Variants in THSD7B observed in about 807,000 individuals in gnomAD.
THSD7B encodes thrombospondin type-1 domain-containing protein 7B.
In THSD7B, 138 loss-of-function variants were observed where a neutral mutation model predicts 213.6. The observed-to-expected ratio is 0.65, with a 90% confidence interval of 0.56 to 0.74. THSD7B has a LOEUF of 0.74. THSD7B is among the 30% of genes least tolerant of loss of function. The pLI is 0.00. For missense variants in THSD7B, 1,931 were observed against 1,991.5 expected (o/e 0.97, Z 0.58); for synonymous variants, 742 against 687.0 (o/e 1.08, Z -1.25).
At chr2:137,245,643 T>G (rs1366879146) in intron 10 of THSD7B, among the ~76,000 whole-genome samples, 1 of 152,168 alleles carries the variant, frequency 6.6e-6, no homozygotes, top group African/African-American at 2.4e-5. Flanking sequence ...TTTAAGTCCA[T>G]GAATATAAGG....
chr2:137,348,703 CTTTTTTTTTT>C (rs80150345), intron 12 of THSD7B, among the ~76,000 whole-genome samples: 1 of 110,934 alleles, frequency 9.0e-6, no homozygotes, highest in East Asian at 2.5e-4. Context: ...CTATGAACTC[CTTTTTTTTTT>C]TTTTTTTTTT....
In THSD7B at chr2:137,312,967, A is replaced by C. The variant is rs200922920; in HGVS notation, c.2500+36941A>C. Among the ~76,000 whole-genome samples the C allele has an allele frequency of 9.1e-3, 1,354 of 149,490 alleles. 60 individuals carry two copies. In the East Asian group the frequency reaches 0.15, roughly 17 times the overall value. The stretch of plus-strand genomic sequence containing the variant: ...TGGAATAGGTGTGGTGTGGTGCTGA[A>C]AAAAATGTATATTCTGTTGATTTGG... On this transcript the variant is annotated intron_variant, in intron 12 of 27. Transcript: ENST00000409968.
intron 12 of THSD7B, among the ~76,000 whole-genome samples, chr2:137,374,577 C>G (rs1265218984): frequency 6.6e-6 from 1 of 152,110 alleles, no homozygotes; most frequent in Non-Finnish European, 1.5e-5. Flanking sequence ...ATTTTTTTAA[C>G]CTAAATTGTA....
chr2:137,366,416 CT>C (rs1488234104), intron 12 of THSD7B, among the ~76,000 whole-genome samples: 1 of 151,486 alleles, frequency 6.6e-6, no homozygotes, highest in Non-Finnish European at 1.5e-5. Flanking sequence ...AATTTTAAGC[CT>C]CAGTTTTCTC....
rs191521840 is a variant in THSD7B at position 137,077,795 on chromosome 2, A to G, written c.951-17078A>G. On this transcript the variant is annotated intron_variant, in intron 3 of 27. Coordinates refer to ENST00000409968, the MANE Select transcript of THSD7B (RefSeq NM_001316349.2). ...TAGGTTGCCTGTTCACTCTGATGGT[A>G]GTTTCTTTTGCTGTGCAGAAGCTCT... 6.4e-3 allele frequency among the ~76,000 whole-genome samples: 965 copies of G among 150,880 alleles called. 24 individuals carry two copies. Among genetic ancestry groups the G allele is most frequent in the African/African-American group, 0.023 (917 of 40,504 alleles).
chr2:137,458,472 A>G (rs551699536), intron 15 of THSD7B, among the ~76,000 whole-genome samples: 1 of 152,152 alleles, frequency 6.6e-6, no homozygotes, highest in Non-Finnish European at 1.5e-5. Context: ...TTTCAAAAAA[A>G]TGCATCAGGA....
intron 21 of THSD7B, among the ~76,000 whole-genome samples, chr2:137,654,919 G>C (rs886683317): frequency 6.6e-6 from 1 of 152,128 alleles, no homozygotes; most frequent in African/African-American, 2.4e-5. Context: ...TTCTGTTTCT[G>C]TGAGACACTG....
intron 14 of THSD7B, among the ~76,000 whole-genome samples, chr2:137,442,826 A>G (rs1189238191): frequency 6.6e-6 from 1 of 152,152 alleles, no homozygotes; most frequent in South Asian, 2.1e-4. Flanking sequence ...TAAAGTACAT[A>G]CAGTATGGTG....
chr2:136,772,952 A>G (rs1681534738), intron 1 of THSD7B, among the ~76,000 whole-genome samples: 1 of 152,140 alleles, frequency 6.6e-6, no homozygotes, highest in Admixed American at 6.6e-5. Flanking sequence ...TACTGTTGGA[A>G]TCTGACCAGT....
At chr2:136,963,901 C>T (rs1379122146) in intron 2 of THSD7B, among the ~76,000 whole-genome samples, 6 of 152,172 alleles carry the variant, frequency 3.9e-5, no homozygotes, top group Non-Finnish European at 8.8e-5. Flanking sequence ...GATTAGGCCA[C>T]ATGAAACTCA....
intron 12 of THSD7B, among the ~76,000 whole-genome samples, chr2:137,286,519 A>G (rs898016258): frequency 5.3e-5 from 8 of 152,176 alleles, no homozygotes; most frequent in African/African-American, 1.9e-4. Flanking sequence ...CGAATGGAAG[A>G]CACCATAGTC....
At chr2:137,306,172 CACAA>C (rs1316568120) in intron 12 of THSD7B, among the ~76,000 whole-genome samples, 1 of 152,060 alleles carries the variant, frequency 6.6e-6, no homozygotes, top group Admixed American at 6.5e-5. Context: ...ACAACATCAC[CACAA>C]ACACAGTGCA....
chr2:137,385,061 G>A (rs1685860494), intron 12 of THSD7B, among the ~76,000 whole-genome samples: 1 of 152,146 alleles, frequency 6.6e-6, no homozygotes, highest in Non-Finnish European at 1.5e-5. Flanking sequence ...CAAAGACCCA[G>A]GGAGCTTCAA....
At chr2:137,252,946 C>T (rs952786872) in intron 10 of THSD7B, among the ~76,000 whole-genome samples, 4 of 119,126 alleles carry the variant, frequency 3.4e-5, no homozygotes, top group Admixed American at 9.9e-5. Flanking sequence ...TACTTCACAG[C>T]TTTGGTTTGA....
At chr2:137,278,920 TA>T (rs1682934520) in intron 12 of THSD7B, among the ~76,000 whole-genome samples, 1 of 152,112 alleles carries the variant, frequency 6.6e-6, no homozygotes, top group South Asian at 2.1e-4. Flanking sequence ...AGCTTACCTA[TA>T]AAGAATATAT....
chr2:137,107,729 G>T (rs1194287160), intron 4 of THSD7B, among the ~76,000 whole-genome samples: 2 of 152,128 alleles, frequency 1.3e-5, no homozygotes, highest in Non-Finnish European at 2.9e-5. Flanking sequence ...TGGAAGATTT[G>T]CTCCCCAGTT....
chr2:137,352,810 G>T (rs948634695), intron 12 of THSD7B, among the ~76,000 whole-genome samples: 1 of 151,936 alleles, frequency 6.6e-6, no homozygotes, highest in Non-Finnish European at 1.5e-5. Context: ...GGAGAAAAAT[G>T]TATTGAGAAA....
At chr2:136,867,671 A>G (rs1243021861) in intron 1 of THSD7B, among the ~76,000 whole-genome samples, 1 of 152,180 alleles carries the variant, frequency 6.6e-6, no homozygotes, top group African/African-American at 2.4e-5. Flanking sequence ...TAATGCATTC[A>G]TGATGCGTCT....
intron 2 of THSD7B, among the ~76,000 whole-genome samples, chr2:136,985,943 A>G (rs914100597): frequency 6.6e-6 from 1 of 152,146 alleles, no homozygotes; most frequent in African/African-American, 2.4e-5. Flanking sequence ...ATTATTTTAG[A>G]GCTTTAAGAT....
Sources: gnomAD v4.1 joint callset for allele counts (sites outside exome capture counted in the v4.1 genomes callset) on GRCh38, gnomAD v4.1.1 for gene constraint, MANE v1.5 for transcripts, NCBI Gene and HGNC (gene_info 2026-07-23, HGNC 2026-07-21) for gene names.